Variants in TASP1 observed in about 807,000 individuals in gnomAD.
The protein encoded by TASP1 is taspase 1, also known as threonine aspartase 1.
In TASP1, 16 loss-of-function variants were observed where a neutral mutation model predicts 56.6. That is an observed-to-expected ratio of 0.28 (90% CI 0.19 to 0.43). TASP1 has a LOEUF of 0.43. TASP1 is among the 20% of genes least tolerant of loss of function. The pLI is 1.00. For synonymous variants in TASP1, 179 were observed against 184.2 expected (o/e 0.97, Z 0.23); for missense variants, 393 against 511.6 (o/e 0.77, Z 2.24).
intron 10 of TASP1, among the ~76,000 whole-genome samples, chr20:13,488,463 A>G (rs1031659500): frequency 2.6e-5 from 4 of 152,222 alleles, no homozygotes; most frequent in African/African-American, 9.6e-5. Flanking sequence ...CCAACCTGGA[A>G]TCAGTTAAAC....
intron 1 of TASP1, among the ~76,000 whole-genome samples, chr20:13,636,721 T>C (rs914920971): frequency 1.3e-5 from 2 of 152,040 alleles, no homozygotes; most frequent in Admixed American, 6.6e-5. Flanking sequence ...ACTTTTATGA[T>C]CAACTGATTT....
intron 11 of TASP1, among the ~76,000 whole-genome samples, chr20:13,435,839 C>G (rs1006099971): frequency 2.6e-5 from 4 of 152,064 alleles, no homozygotes; most frequent in East Asian, 1.9e-4. Context: ...AAAATTAACC[C>G]AAGAACTATC....
At chr20:13,577,465 C>T (rs1369560937) in intron 6 of TASP1, among the ~76,000 whole-genome samples, 2 of 152,030 alleles carry the variant, frequency 1.3e-5, no homozygotes, top group African/African-American at 2.4e-5. Flanking sequence ...ATTGTGTCCA[C>T]CCAAAAATTC....
At chr20:13,376,160 T>C in the TASP1 span, among the ~76,000 whole-genome samples, 1 of 152,238 alleles carries the variant, frequency 6.6e-6, no homozygotes, top group Admixed American at 6.5e-5. Flanking sequence ...CATGCCTGTG[T>C]CCTGAATAGT....
intron 11 of TASP1, among the ~76,000 whole-genome samples, chr20:13,467,909 C>A (rs1320281157): frequency 6.6e-6 from 1 of 151,806 alleles, no homozygotes; most frequent in Admixed American, 6.6e-5. Flanking sequence ...CCAGCTACTC[C>A]AGAGGCTGAG....
intron 10 of TASP1, among the ~76,000 whole-genome samples, chr20:13,507,674 A>T (rs1000827550): frequency 2.0e-5 from 3 of 152,234 alleles, no homozygotes; most frequent in Admixed American, 1.3e-4. Context: ...CCACAGATTG[A>T]ATGTAATCCT....
chr20:13,394,065 G>A (rs1482361088), intron 13 of TASP1, among the ~76,000 whole-genome samples: 4 of 151,980 alleles, frequency 2.6e-5, no homozygotes, highest in Admixed American at 6.5e-5. Flanking sequence ...CGGATCCCCC[G>A]AGGTCAGGAG....
chr20:13,134,700 G>A, the TASP1 span, among the ~76,000 whole-genome samples: 1 of 152,084 alleles, frequency 6.6e-6, no homozygotes, highest in Non-Finnish European at 1.5e-5. Context: ...TCTGTGCAGT[G>A]GGAGAAGTAA....
At chr20:13,505,195 T>A (rs1359252246) in intron 10 of TASP1, among the ~76,000 whole-genome samples, 1 of 152,134 alleles carries the variant, frequency 6.6e-6, no homozygotes, top group African/African-American at 2.4e-5. Context: ...TATAGAATGA[T>A]AAAGTGATTA....
At chr20:13,204,102 CTA>C in the TASP1 span, among the ~76,000 whole-genome samples, 1 of 152,182 alleles carries the variant, frequency 6.6e-6, no homozygotes, top group African/African-American at 2.4e-5. Context: ...ACTCAAGCAT[CTA>C]TATGTTTAAA....
At chr20:13,291,492 C>G in the TASP1 span, among the ~76,000 whole-genome samples, 5 of 152,128 alleles carry the variant, frequency 3.3e-5, no homozygotes, top group Non-Finnish European at 5.9e-5. Flanking sequence ...GAAATCAAGT[C>G]AGGGAAACCA....
At chr20:13,115,860 A>T in the TASP1 span, among the ~76,000 whole-genome samples, 2 of 152,172 alleles carry the variant, frequency 1.3e-5, no homozygotes, top group South Asian at 2.1e-4. Flanking sequence ...TCCTGTTTGT[A>T]TTGCATATGA....
chr20:13,336,296 A>G, the TASP1 span, among the ~76,000 whole-genome samples: 2 of 152,198 alleles, frequency 1.3e-5, no homozygotes, highest in African/African-American at 2.4e-5. Context: ...TTTATCTTTG[A>G]ATTTGTTTTG....
intron 8 of TASP1, among the ~76,000 whole-genome samples, chr20:13,545,053 T>C (rs1312980547): frequency 3.3e-5 from 5 of 152,196 alleles, no homozygotes; most frequent in African/African-American, 1.2e-4. Flanking sequence ...GTACAGCGTA[T>C]CTATGCATAT....
Position 13,616,679 on chromosome 20 carries a change from CT to C in TASP1, c.282+6766del, listed in dbSNP as rs574312194. 3.4e-3 allele frequency among the ~76,000 whole-genome samples: 509 copies of C among 151,188 alleles called. 1 individual carries two copies. Among genetic ancestry groups the C allele is most frequent in the Non-Finnish European group, 5.5e-3 (375 of 67,894 alleles). On this transcript the variant is annotated intron_variant, in intron 4 of 13. Transcript: ENST00000337743. ...AGGGCAGTTGGGGAAGAAATCACTG[CT>C]TTTCCATTAAGCAGGTACTTTGTGC...
the TASP1 span, chr20:13,292,596 T>C: frequency 1.5e-6 from 1 of 645,220 alleles, no homozygotes; most frequent in Non-Finnish European, 2.7e-6. Context: ...TCCCAGCATG[T>C]GTCTTGCTTG....
the TASP1 span, chr20:13,126,855 A>G: frequency 8.1e-7 from 1 of 1,239,210 alleles, no homozygotes; most frequent in Non-Finnish European, 1.1e-6. Flanking sequence ...AAATGCACAA[A>G]ACTGCCGTTA....
chr20:13,580,530 T>G (rs995831305), intron 6 of TASP1, among the ~76,000 whole-genome samples: 8 of 152,060 alleles, frequency 5.3e-5, no homozygotes, highest in Middle Eastern at 3.4e-3. Context: ...ACAGATGAAG[T>G]ACAAAACACT....
At chr20:13,631,188 T>C (rs1157085127) in intron 1 of TASP1, among the ~76,000 whole-genome samples, 1 of 152,150 alleles carries the variant, frequency 6.6e-6, no homozygotes, top group Non-Finnish European at 1.5e-5. Context: ...ATTTAATTTT[T>C]ATTATATAAC....
Sources: gnomAD v4.1 joint callset for allele counts (sites outside exome capture counted in the v4.1 genomes callset) on GRCh38, gnomAD v4.1.1 for gene constraint, MANE v1.5 for transcripts, NCBI Gene and HGNC (gene_info 2026-07-23, HGNC 2026-07-21) for gene names.